Variants in TASOR2 observed in about 807,000 individuals in gnomAD.
TASOR2 encodes transcription activation suppressor family member 2.
TASOR2 carries 84 observed loss-of-function variants against 199.5 expected under a neutral mutation model. The ratio of observed to expected loss-of-function variants is 0.42; its 90% CI spans 0.35 to 0.50. The LOEUF is 0.50. TASOR2 is among the 20% of genes least tolerant of loss of function. The pLI, the probability that TASOR2 is intolerant of heterozygous loss-of-function variation, is 0.02. For synonymous variants in TASOR2, 1,103 were observed against 1,046.6 expected, an observed-to-expected ratio of 1.05 and a Z score of -1.04; for missense variants, 2,796 against 2,835.9, an observed-to-expected ratio of 0.99 and a Z score of 0.32.
chr10:5,700,986 G>C (rs1035558192), intron 1 of TASOR2, among the ~76,000 whole-genome samples: 3 of 146,310 alleles, frequency 2.1e-5, no homozygotes, highest in African/African-American at 7.5e-5. Context: ...TTTTTAGCTT[G>C]ATGTAATCCC....
rs1836183923 is a variant in TASOR2 at position 5,689,487 on chromosome 10, C to T, written c.-288+4312C>T. The stretch of plus-strand genomic sequence containing the variant: ...TGGGGGTGCGCGCCTGTAGTCCCAG[C>T]TACTCGGGAGGCTGAGGCAGAAGAA... On this transcript the variant is annotated intron_variant, in intron 1 of 20. Transcript: ENST00000328090. This position sits in a 1 kb window ranked among gnomAD's most constrained non-coding sequence, Gnocchi z 4.1. Among the ~76,000 whole-genome samples the T allele has an allele frequency of 6.6e-6, 1 of 152,046 alleles. No individual in the cohort carries two copies. Among genetic ancestry groups the T allele is most frequent in the South Asian group, 2.1e-4 (1 of 4,824 alleles).
intron 1 of TASOR2, among the ~76,000 whole-genome samples, chr10:5,708,542 TTC>T (rs1265869188): frequency 1.3e-5 from 2 of 149,776 alleles, no homozygotes; most frequent in East Asian, 2.2e-4. Context: ...TTTCCTTTCT[TTC>T]TCTTTCTTTC....
At chr10:5,695,978 C>G (rs534820780) in intron 1 of TASOR2, among the ~76,000 whole-genome samples, 1 of 152,168 alleles carries the variant, frequency 6.6e-6, no homozygotes, top group African/African-American at 2.4e-5. Context: ...TTCTCCACTC[C>G]CACACACCCA....
exon 21 of TASOR2, chr10:5,763,343 A>G (rs1251870618): frequency 2.8e-5 from 8 of 282,136 alleles, no homozygotes; most frequent in Non-Finnish European, 3.9e-5. Flanking sequence ...GAGCAAAAAT[A>G]AGTCTATTTT....
At chr10:5,747,473 A>G (rs1837379774) in exon 15 of TASOR2, 1 of 1,614,026 alleles carries the variant, frequency 6.2e-7, no homozygotes, top group Non-Finnish European at 8.5e-7. Flanking sequence ...TCAGTGTCAG[A>G]AGAACCAGTA....
In TASOR2 at chr10:5,747,200, T is replaced by C. The variant is rs768776466; in HGVS notation, c.3779T>C (p.Ile1260Thr). ...TTGGAAGCGTTTGATTCAGTATTTA[T>C]CAAACAAACAAGCCTGTCTGTGAGT... is the stretch of plus-strand genomic sequence containing the variant. The change falls in exon 15 of 21, where the codon ATC becomes ACC. Residue 1260 changes from isoleucine to threonine, a missense_variant. Coordinates refer to ENST00000328090, the Ensembl canonical transcript of TASOR2. The C allele has an allele frequency of 1.1e-5, 17 of 1,614,022 alleles. No individual in the cohort carries two copies. In the Admixed American group the frequency reaches 2.8e-4, roughly 27 times the overall value.
rs200764347 is a variant in TASOR2, at chr10:5,730,875, C to T, written c.876C>T (p.Asp292=). ...ATCCTCAGTCTCCTTGTGTTTCAGA[C>T]GGAATTTGTGATGCTGGATTTTCCT... Residue 292 remains aspartate, a synonymous_variant, in exon 11 of 21, where the codon GAC becomes GAT. Coordinates refer to ENST00000328090, the Ensembl canonical transcript of TASOR2. This position sits in a 1 kb window ranked among gnomAD's most constrained non-coding sequence, Gnocchi z 4.1. 94 of 1,614,106 alleles carry T rather than the reference C, an allele frequency of 5.8e-5. 1 individual carries two copies. In the Middle Eastern group the frequency reaches 1.6e-3, roughly 28 times the overall value.
chr10:5,747,038 T>C (rs1480565696), exon 15 of TASOR2: 2 of 1,614,030 alleles, frequency 1.2e-6, no homozygotes, highest in East Asian at 2.2e-5. Flanking sequence ...CAGGTTGAAG[T>C]GGACTCATCA....
rs1298748771 is a variant in TASOR2 at position 5,748,367 on chromosome 10, G to T, written c.4946G>T (p.Gly1649Val). The change falls in exon 15 of 21, where the codon GGA (glycine) becomes GTA (valine). Residue 1649 changes from glycine to valine, a missense_variant. By Grantham distance (109) the Gly-to-Val change is moderately radical. Coordinates refer to ENST00000328090, the Ensembl canonical transcript of TASOR2. The surrounding 1 kb of genome is among the most constrained non-coding windows in gnomAD (Gnocchi z 5.1). ...GTTGATGGAGCTTATTCTACACAGGGATGCATGTGCTCAGTGGTCCCCACG... is the reference window on the plus strand; with the variant it reads ...GTTGATGGAGCTTATTCTACACAGGTATGCATGTGCTCAGTGGTCCCCACG... 6.2e-7 allele frequency: 1 copy of T among 1,614,232 alleles called. No individual in the cohort carries two copies. Among genetic ancestry groups the T allele is most frequent in the Non-Finnish European group, 8.5e-7 (1 of 1,180,056 alleles).
At position 5,685,202 on chromosome 10, in the gene TASOR2, C is replaced by T. The variant is rs941601770; in HGVS notation, c.-288+27C>T. ...TAAGTCCCTCCTCGGCCTGGGCGCC[C>T]GGGAACCCTGCGAGGAGGACGGCGG... On this transcript the variant is annotated intron_variant, in intron 1 of 20. Transcript: ENST00000328090. This position sits in a 1 kb window ranked among gnomAD's most constrained non-coding sequence, Gnocchi z 5.4. 1 of 397,684 alleles carries T rather than the reference C, an allele frequency of 2.5e-6. No individual in the cohort carries two copies. The highest frequency in any genetic ancestry group is 4.4e-6 in the Non-Finnish European group (1 of 225,454). 24.6% of individuals were successfully genotyped at this position (397,684 alleles called of 1,614,324 possible). A position where few individuals can be genotyped will look rare whatever the true frequency, so the allele number is the denominator to read the frequency against.
exon 1 of TASOR2, chr10:5,684,950 GCCGCGGCGTCCCTGTCAGCGC>G (rs1835640796): frequency 1.3e-5 from 5 of 397,794 alleles, no homozygotes; most frequent in Admixed American, 4.4e-5. Context: ...AGCGCGGGCG[GCCGCGGCGTCCCTGTCAGCGC>G]CCGCGGCGAG....
rs1838146885 is a variant in TASOR2, at chr10:5,752,180, G to T, written c.6606+2153G>T. Among the ~76,000 whole-genome samples, 1 of 152,202 alleles carries T rather than the reference G, an allele frequency of 6.6e-6. No homozygotes were observed. Among genetic ancestry groups the T allele is most frequent in the Middle Eastern group, 3.2e-3 (1 of 316 alleles). ...TACCTCAGAGCCCCAACATGTGCAG[G>T]TGGGGGGGATGTTGCTTTTTTGTCA... is the stretch of plus-strand genomic sequence containing the variant. On this transcript the variant is annotated intron_variant, in intron 15 of 20. Transcript: ENST00000328090. This position sits in a 1 kb window ranked among gnomAD's most constrained non-coding sequence, Gnocchi z 4.4.
At chr10:5,712,345 A>G (rs1030972161) in intron 1 of TASOR2, 2 of 1,218,064 alleles carry the variant, frequency 1.6e-6, no homozygotes, top group Non-Finnish European at 2.0e-6. Flanking sequence ...CCTTAACCCC[A>G]TCCTTTGGAA....
chr10:5,757,166 G>A lies in TASOR2; in HGVS notation c.6733-354G>A, dbSNP rs143750874. 4.8e-4 allele frequency among the ~76,000 whole-genome samples: 73 copies of A among 152,350 alleles called. No individual in the cohort carries two copies. In the East Asian group the frequency reaches 0.012, roughly 26 times the overall value. ...AACCTGCCGTCATCAGCAGGCAGTC[G>A]TCGGTGCTGGCACCAAGGGGAGCTG... On this transcript the variant is annotated intron_variant, in intron 16 of 20. Coordinates refer to ENST00000328090, the Ensembl canonical transcript of TASOR2.
At chr10:5,711,572 C>T (rs1370098987) in intron 1 of TASOR2, among the ~76,000 whole-genome samples, 2 of 151,836 alleles carry the variant, frequency 1.3e-5, no homozygotes, top group African/African-American at 2.4e-5. Context: ...CAAGAGTGTC[C>T]GTAGGTCATT....
rs188524175 is a variant in TASOR2 at position 5,730,669 on chromosome 10, G to A, written c.670G>A (p.Val224Ile). The A allele has an allele frequency of 7.4e-6, 12 of 1,614,176 alleles. No individual in the cohort carries two copies. Among genetic ancestry groups the A allele is most frequent in the Non-Finnish European group, 9.3e-6 (11 of 1,180,028 alleles). ...GGCGGACAGAAGCCCTTCATTGAGT[G>A]TTGCTCCTCAGGATAGAATGAAAGA... is the stretch of plus-strand genomic sequence containing the variant. The change falls in exon 11 of 21, where the codon GTT (valine) becomes ATT (isoleucine). Residue 224 changes from valine to isoleucine, a missense_variant. Transcript: ENST00000328090. This position sits in a 1 kb window ranked among gnomAD's most constrained non-coding sequence, Gnocchi z 4.1.
intron 1 of TASOR2, among the ~76,000 whole-genome samples, chr10:5,694,996 A>C (rs1006517590): frequency 2.0e-5 from 3 of 152,192 alleles, no homozygotes; most frequent in African/African-American, 4.8e-5. Flanking sequence ...TTTTTATATC[A>C]ATATTCATAA....
At chr10:5,723,690 G>A (rs1833670572) in exon 7 of TASOR2, 1 of 1,582,578 alleles carries the variant, frequency 6.3e-7, no homozygotes, top group South Asian at 1.2e-5. Context: ...GCAGGAACTA[G>A]ATTTTAAATA....
Position 5,762,526 on chromosome 10 carries a change from T to TTTTTTTTA in TASOR2, c.7175-6_7175-5insTTTTTTTA. ...ACCAAAAGTTGTTTTTTTTTTTTTT[T>TTTTTTTTA]AACAGACAAGCCTACTATCCCCAGA... On this transcript the variant is annotated splice_region_variant and splice_polypyrimidine_tract_variant and intron_variant, in intron 19 of 20. Coordinates refer to ENST00000328090, the Ensembl canonical transcript of TASOR2. The TTTTTTTTA allele has an allele frequency of 1.4e-6, 1 of 699,660 alleles. No homozygotes were observed. The highest frequency in any genetic ancestry group is 2.2e-6 in the Non-Finnish European group (1 of 449,622). 43.3% of individuals were successfully genotyped at this position (699,660 alleles called of 1,614,324 possible). A position where few individuals can be genotyped will look rare whatever the true frequency, so the allele number is the denominator to read the frequency against.
Sources: gnomAD v4.1 joint callset for allele counts (sites outside exome capture counted in the v4.1 genomes callset) on GRCh38, gnomAD v4.1.1 for gene constraint, Gnocchi (gnomAD v3.1) non-coding constraint, MANE v1.5 for transcripts, NCBI Gene and HGNC (gene_info 2026-07-23, HGNC 2026-07-21) for gene names.